The following EEFSEC variants were observed in gnomAD, a reference collection of about 807,000 sequenced individuals.
EEFSEC encodes the protein selenocysteine-specific elongation factor.
Under a neutral mutation model 42.1 loss-of-function variants are expected in EEFSEC, and 43 were observed. The observed-to-expected ratio is 1.02, with a 90% CI of 0.80 to 1.32. EEFSEC has a LOEUF of 1.32. EEFSEC is among the 40% of genes most tolerant of loss of function. The pLI is 0.00. For synonymous variants in EEFSEC, 354 were observed against 339.1 expected (o/e 1.04, Z -0.48); for missense variants, 745 against 803.6 (o/e 0.93, Z 0.88).
At chr3:128,177,620 G>A (rs367863788) in intron 1 of EEFSEC, among the ~76,000 whole-genome samples, 3 of 152,066 alleles carry the variant, frequency 2.0e-5, no homozygotes, top group Non-Finnish European at 4.4e-5. Flanking sequence ...GAGCCAAAAC[G>A]CACCTCTGTT....
At position 128,301,665 on chromosome 3, in the gene EEFSEC, C is replaced by T. The variant is rs182795308; in HGVS notation, c.786+36884C>T. On this transcript the variant is annotated intron_variant, in intron 4 of 6. Coordinates refer to ENST00000254730, the MANE Select transcript of EEFSEC (RefSeq NM_021937.5). The stretch of plus-strand genomic sequence containing the variant: ...GGCACCTCTTCCTTCTGTCCTTTTC[C>T]CTAGTGGCAACTTTGTTTCTCTCCT... Among the ~76,000 whole-genome samples the T allele has an allele frequency of 5.5e-4, 83 of 152,252 alleles. 1 individual carries two copies. The Middle Eastern group carries it at 0.017, about 31-fold the overall frequency.
intron 6 of EEFSEC, among the ~76,000 whole-genome samples, chr3:128,371,679 T>C (rs898599056): frequency 1.3e-5 from 2 of 152,130 alleles, no homozygotes; most frequent in Non-Finnish European, 2.9e-5. Flanking sequence ...CCAGAACCTG[T>C]TGGGGTGCAG....
intron 6 of EEFSEC, among the ~76,000 whole-genome samples, chr3:128,386,484 G>C (rs954231477): frequency 1.3e-5 from 2 of 152,156 alleles, no homozygotes; most frequent in African/African-American, 4.8e-5. Context: ...AGGCAGTGGG[G>C]GGGGGATGCA....
At chr3:128,158,476 A>G (rs563059478) in intron 1 of EEFSEC, among the ~76,000 whole-genome samples, 3 of 152,346 alleles carry the variant, frequency 2.0e-5, no homozygotes, top group African/African-American at 7.2e-5. Context: ...GTCTTATTTC[A>G]TTAGATTGCC....
intron 1 of EEFSEC, among the ~76,000 whole-genome samples, chr3:128,231,675 G>A (rs1238528607): frequency 6.6e-6 from 1 of 152,080 alleles, no homozygotes; most frequent in Non-Finnish European, 1.5e-5. Context: ...CCTGCCCCAG[G>A]ATCCAAGGTG....
At chr3:128,236,962 A>G (rs972551091) in intron 1 of EEFSEC, among the ~76,000 whole-genome samples, 2 of 152,218 alleles carry the variant, frequency 1.3e-5, no homozygotes, top group African/African-American at 4.8e-5. Flanking sequence ...TCTCGATTGC[A>G]AGGGGTAGGG....
intron 4 of EEFSEC, among the ~76,000 whole-genome samples, chr3:128,338,085 C>T (rs1361976721): frequency 1.3e-5 from 2 of 152,230 alleles, no homozygotes; most frequent in African/African-American, 4.8e-5. Context: ...AGCAAATGAG[C>T]TGCAGGTGCA....
chr3:128,194,017 A>C (rs1323688968), intron 1 of EEFSEC, among the ~76,000 whole-genome samples: 1 of 152,094 alleles, frequency 6.6e-6, no homozygotes. Context: ...CCCCAACTTG[A>C]ATGAAGAAGA....
At chr3:128,400,257 T>G (rs1334692132) in intron 6 of EEFSEC, among the ~76,000 whole-genome samples, 2 of 152,186 alleles carry the variant, frequency 1.3e-5, no homozygotes, top group African/African-American at 4.8e-5. Flanking sequence ...GAACTTGACA[T>G]TGGAGCCCAC....
intron 1 of EEFSEC, among the ~76,000 whole-genome samples, chr3:128,193,405 G>C (rs1352258546): frequency 6.6e-6 from 1 of 152,242 alleles, no homozygotes; most frequent in Non-Finnish European, 1.5e-5. Flanking sequence ...GGCTGTGACA[G>C]AGCTAACCTA....
intron 6 of EEFSEC, among the ~76,000 whole-genome samples, chr3:128,372,772 C>A (rs1481074949): frequency 6.6e-6 from 1 of 152,242 alleles, no homozygotes; most frequent in Non-Finnish European, 1.5e-5. Context: ...ACAGACCACA[C>A]TGCCTTTAGT....
intron 1 of EEFSEC, among the ~76,000 whole-genome samples, chr3:128,204,296 T>C (rs1479703255): frequency 1.3e-5 from 2 of 152,220 alleles, no homozygotes; most frequent in Non-Finnish European, 2.9e-5. Context: ...ATGACAGTCA[T>C]TGTAAGGATT....
intron 4 of EEFSEC, among the ~76,000 whole-genome samples, chr3:128,288,452 T>C (rs1429457110): frequency 6.6e-6 from 1 of 152,176 alleles, no homozygotes; most frequent in Non-Finnish European, 1.5e-5. Context: ...GATCTGCAAA[T>C]CAGGGTCTGT....
chr3:128,305,312 A>G (rs780563737), intron 4 of EEFSEC, among the ~76,000 whole-genome samples: 2 of 152,168 alleles, frequency 1.3e-5, no homozygotes, highest in South Asian at 2.1e-4. Context: ...TTTCAGTAAT[A>G]TTTATGTCAT....
rs778965602 is a variant in EEFSEC, at chr3:128,341,415, G to A, written c.969G>A (p.Pro323=). ...CCCTCATCTCTGTGGAAAAGATACC[G>A]TATTTCCGGGGGCCCCTGCAAACCA... ...HAALISVEKI[P]YFRGPLQTKA... The change falls in exon 5 of 7, where the codon CCG becomes CCA. Residue 323 remains proline (P), a synonymous_variant. Transcript: ENST00000254730. 40 of 1,614,014 alleles carry A rather than the reference G, an allele frequency of 2.5e-5. No homozygotes were observed. The highest frequency in any genetic ancestry group is 1.6e-4 in the Middle Eastern group (1 of 6,084).
chr3:128,204,461 T>G (rs954315118), intron 1 of EEFSEC, among the ~76,000 whole-genome samples: 1 of 152,218 alleles, frequency 6.6e-6, no homozygotes, highest in African/African-American at 2.4e-5. Context: ...CTTGCTTGTT[T>G]TAGCTTGCCG....
chr3:128,234,038 T>C (rs1161008854), intron 1 of EEFSEC, among the ~76,000 whole-genome samples: 1 of 151,592 alleles, frequency 6.6e-6, no homozygotes, highest in Non-Finnish European at 1.5e-5. Flanking sequence ...TATTTATTTA[T>C]TTATTTATTT....
At chr3:128,336,444 T>G (rs1039792862) in intron 4 of EEFSEC, among the ~76,000 whole-genome samples, 12 of 152,318 alleles carry the variant, frequency 7.9e-5, no homozygotes, top group Middle Eastern at 6.8e-3. Context: ...TGCCATCCCC[T>G]GTGCCCCATC....
chr3:128,390,886 G>A lies in EEFSEC; in HGVS notation c.1601-17183G>A, dbSNP rs143456939. On this transcript the variant is annotated intron_variant, in intron 6 of 6. Transcript: ENST00000254730. Reference sequence around the variant, plus strand: ...TTGGGGCCTTTGCTTGGCGCCCTCAGGCTGGGTGTTCTTCCCTCCCAGTGT... The same window carrying A: ...TTGGGGCCTTTGCTTGGCGCCCTCAAGCTGGGTGTTCTTCCCTCCCAGTGT... Among the ~76,000 whole-genome samples, 939 of 152,340 alleles carry A rather than the reference G, an allele frequency of 6.2e-3. 8 individuals carry two copies. Among genetic ancestry groups the A allele is most frequent in the African/African-American group, 0.021 (880 of 41,574 alleles).
Sources: gnomAD v4.1 joint callset for allele counts (sites outside exome capture counted in the v4.1 genomes callset) on GRCh38, gnomAD v4.1.1 for gene constraint, MANE v1.5 for transcripts, NCBI Gene and HGNC (gene_info 2026-07-23, HGNC 2026-07-21) for gene names.